The following MOB3A variants were observed in gnomAD, a reference collection of about 807,000 sequenced individuals.
The protein encoded by MOB3A is MOB kinase activator 3A, also known as MOB LAK.
In MOB3A, 17 loss-of-function variants were observed where a neutral mutation model predicts 17.8. That is an observed-to-expected ratio of 0.95 (90% CI 0.65 to 1.43). The LOEUF is 1.43. Ranked by LOEUF, MOB3A falls within the 40% of genes most tolerant of loss-of-function variation. The pLI is 0.00. For missense variants in MOB3A, 333 were observed against 310.8 expected, an observed-to-expected ratio of 1.07 and a Z score of -0.54; for synonymous variants, 124 against 133.2, an observed-to-expected ratio of 0.93 and a Z score of 0.48.
At chr19:2,076,669 G>A in intron 4 of MOB3A, 142 bp downstream of exon 4, 1 of 760,542 alleles carries the variant, frequency 1.3e-6, no homozygotes, top group Non-Finnish European at 2.1e-6. Context: ...CATCAGCAGG[G>A]TCCCCGGGGC....
intron 1 of MOB3A, among the ~76,000 whole-genome samples, chr19:2,089,094 G>A (rs1462756532): frequency 4.6e-5 from 7 of 152,194 alleles, no homozygotes; most frequent in Admixed American, 3.3e-4. Context: ...TGTGAGGCTG[G>A]CAGGGCAGGC....
At chr19:2,075,402 A>T (rs1334806915) in intron 4 of MOB3A, among the ~76,000 whole-genome samples, 1 of 152,182 alleles carries the variant, frequency 6.6e-6, no homozygotes, top group Non-Finnish European at 1.5e-5. Flanking sequence ...TGGGAGGCCA[A>T]GGTGGGAGGA....
In MOB3A at chr19:2,071,702, G is replaced by A. The variant is rs1469702310; in HGVS notation, c.*1693C>T. On this transcript the variant is annotated 3_prime_UTR_variant, in exon 5 of 5. Transcript: ENST00000357066. ...CATGGATTTTGGTCTCGCAGCCCCAGGGGCCACACAGAAAAAGGGGTTCAA... is the reference window on the plus strand; with the variant it reads ...CATGGATTTTGGTCTCGCAGCCCCAAGGGCCACACAGAAAAAGGGGTTCAA... 6.6e-6 allele frequency: 1 copy of A among 152,282 alleles called. No individual in the cohort carries two copies. Among genetic ancestry groups the A allele is most frequent in the Non-Finnish European group, 1.5e-5 (1 of 68,114 alleles). The allele number at this position is 152,282 out of a possible 1,614,324, so 9.4% of individuals were successfully genotyped here. A position where few individuals can be genotyped will look rare whatever the true frequency, so the allele number is the denominator to read the frequency against.
chr19:2,095,048 G>A (rs2017658779), intron 1 of MOB3A, among the ~76,000 whole-genome samples: 3 of 152,194 alleles, frequency 2.0e-5, no homozygotes, highest in African/African-American at 7.2e-5. Flanking sequence ...GTTGGCGCCT[G>A]TAATCCCAGC....
intron 1 of MOB3A, among the ~76,000 whole-genome samples, chr19:2,087,318 A>C (rs1324118854): frequency 6.6e-6 from 1 of 152,190 alleles, no homozygotes; most frequent in Non-Finnish European, 1.5e-5. Flanking sequence ...CGTTGCGCAA[A>C]CACCACCTTT....
At chr19:2,088,561 G>A (rs1279042763) in intron 1 of MOB3A, among the ~76,000 whole-genome samples, 2 of 152,042 alleles carry the variant, frequency 1.3e-5, no homozygotes, top group Non-Finnish European at 2.9e-5. Context: ...TCCGCCTCAC[G>A]GGTTCAAGGA....
At chr19:2,081,471 C>A (rs1029727979) in intron 2 of MOB3A, among the ~76,000 whole-genome samples, 1 of 152,006 alleles carries the variant, frequency 6.6e-6, no homozygotes, top group East Asian at 1.9e-4. Context: ...GCCTGTAATC[C>A]CAGCTACTCG....
chr19:2,090,619 C>CCTTCCT (rs2017602993), intron 1 of MOB3A, among the ~76,000 whole-genome samples: 1 of 152,114 alleles, frequency 6.6e-6, no homozygotes, highest in South Asian at 2.1e-4. Flanking sequence ...CCCTGTGGGA[C>CCTTCCT]TTATGGTCAA....
At chr19:2,090,226 G>A (rs1262840149) in intron 1 of MOB3A, 1 of 152,280 alleles carries the variant, frequency 6.6e-6, no homozygotes, top group African/African-American at 2.4e-5. Flanking sequence ...TCCCCACCCA[G>A]GTGTCCCAGC....
In MOB3A at chr19:2,073,252, A is replaced by G; in HGVS notation, c.*143T>C. On this transcript the variant is annotated 3_prime_UTR_variant, in exon 5 of 5. Transcript: ENST00000357066. ...CCGTCCGGGGTTGGAGCTCCTGAGG[A>G]CCAACACCTGCTCAGCGGCTCGGCC... 1 of 1,020,576 alleles carries G rather than the reference A, an allele frequency of 9.8e-7. No individual in the cohort carries two copies. The highest frequency in any genetic ancestry group is 1.5e-6 in the Non-Finnish European group (1 of 672,508). 63.2% of individuals were successfully genotyped at this position (1,020,576 alleles called of 1,614,324 possible).
chr19:2,089,267 G>A (rs1185879286), intron 1 of MOB3A, among the ~76,000 whole-genome samples: 1 of 152,178 alleles, frequency 6.6e-6, no homozygotes, highest in Non-Finnish European at 1.5e-5. Context: ...CAGAAGCTGA[G>A]GCCAGTTGCC....
Position 2,082,028 on chromosome 19 carries a change from G to A in MOB3A, c.-120+3147C>T, listed in dbSNP as rs1253362132. On this transcript the variant is annotated intron_variant, in intron 2 of 4. Transcript: ENST00000357066. The surrounding 1 kb of genome is among the most constrained non-coding windows in gnomAD (Gnocchi z 4.1). ...GGGGGACACTGCTCAGGGCAGCCTG[G>A]GCACAGGTGGCAGGAGGACTTGAGT... Among the ~76,000 whole-genome samples, 1 of 152,186 alleles carries A rather than the reference G, an allele frequency of 6.6e-6. No homozygotes were observed. Among genetic ancestry groups the A allele is most frequent in the Non-Finnish European group, 1.5e-5 (1 of 68,024 alleles).
At chr19:2,080,911 T>C (rs901090661) in intron 2 of MOB3A, among the ~76,000 whole-genome samples, 2 of 151,670 alleles carry the variant, frequency 1.3e-5, no homozygotes, top group African/African-American at 2.4e-5. Flanking sequence ...GAGGGTGAGG[T>C]AGGTAGATGG....
chr19:2,082,372 C>T lies in MOB3A; in HGVS notation c.-120+2803G>A, dbSNP rs79358260. Reference sequence around the variant, plus strand: ...TGCCAGGAGCTCCCCCAAGTTATGACAACCACAGATGTGCCCAGACATCAC... The same window carrying T: ...TGCCAGGAGCTCCCCCAAGTTATGATAACCACAGATGTGCCCAGACATCAC... On this transcript the variant is annotated intron_variant, in intron 2 of 4. Coordinates refer to ENST00000357066, the MANE Select transcript of MOB3A (RefSeq NM_130807.3). This position sits in a 1 kb window ranked among gnomAD's most constrained non-coding sequence, Gnocchi z 4.1. Among the ~76,000 whole-genome samples, 1,160 of 152,336 alleles carry T rather than the reference C, an allele frequency of 7.6e-3. 12 individuals are homozygous for T. Among genetic ancestry groups the T allele is most frequent in the African/African-American group, 0.027 (1,113 of 41,566 alleles).
rs563620020 is a variant in MOB3A, at chr19:2,083,461, G to A, written c.-120+1714C>T. 2.0e-5 allele frequency among the ~76,000 whole-genome samples: 3 copies of A among 152,300 alleles called. No individual in the cohort carries two copies. The East Asian group carries it at 5.8e-4, about 29-fold the overall frequency. On this transcript the variant is annotated intron_variant, in intron 2 of 4. Transcript: ENST00000357066. ...TCCCCTCAGGAGAAGGGAAAATGCC[G>A]GCCACCTCCAGGCCATGGTCCGCCT...
At chr19:2,084,252 G>T in intron 2 of MOB3A, 1 of 445,690 alleles carries the variant, frequency 2.2e-6, no homozygotes, top group South Asian at 1.6e-5. Flanking sequence ...CTGCACTTTG[G>T]GAGGCCGAGG....
chr19:2,085,924 A>G (rs927631107), intron 1 of MOB3A, among the ~76,000 whole-genome samples: 5 of 127,332 alleles, frequency 3.9e-5, no homozygotes, highest in African/African-American at 6.2e-5. Flanking sequence ...AGATTGTGCC[A>G]CTGCACTCCA....
chr19:2,076,123 CAA>C (rs771808104), intron 4 of MOB3A, among the ~76,000 whole-genome samples: 12 of 34,366 alleles, frequency 3.5e-4, no homozygotes, highest in Admixed American at 1.0e-3. Flanking sequence ...ACTCCATCTC[CAA>C]AAAAAAAAAA....
At chr19:2,089,318 G>T (rs2017587241) in intron 1 of MOB3A, among the ~76,000 whole-genome samples, 2 of 152,196 alleles carry the variant, frequency 1.3e-5, no homozygotes, top group Non-Finnish European at 2.9e-5. Context: ...GTCTGGGCTT[G>T]AACTCAGATC....
Sources: allele counts gnomAD v4.1 joint callset (sites outside exome capture counted in the v4.1 genomes callset), GRCh38; gene constraint gnomAD v4.1.1; non-coding constraint Gnocchi (gnomAD v3.1); transcripts MANE v1.5; gene names NCBI Gene and HGNC (gene_info 2026-07-23, HGNC 2026-07-21).